The following STON2 variants were observed in gnomAD, a reference collection of about 807,000 sequenced individuals.
The protein encoded by STON2 is stonin-2.
A neutral mutation model predicts 65.7 loss-of-function variants in STON2; 29 were observed. That is an observed-to-expected ratio of 0.44 (90% CI 0.33 to 0.60). The LOEUF is 0.60. Ranked by LOEUF, STON2 falls within the 20% of genes least tolerant of loss-of-function variation. The pLI is 0.03. For synonymous variants in STON2, 404 were observed against 414.2 expected (o/e 0.98, Z 0.30); for missense variants, 1,054 against 1,118.1 (o/e 0.94, Z 0.82).
chr14:81,283,098 C>T (rs1895189176), intron 5 of STON2, among the ~76,000 whole-genome samples: 2 of 152,190 alleles, frequency 1.3e-5, no homozygotes, highest in African/African-American at 2.4e-5. Flanking sequence ...GGATTAGGTT[C>T]TCAGTCTACA....
intron 4 of STON2, 73 bp downstream of exon 4, chr14:81,370,915 A>G (rs879263602): frequency 7.1e-7 from 1 of 1,405,544 alleles, no homozygotes. Context: ...GCAATTTTTA[A>G]AAGGACTTTA....
Position 81,266,510 on chromosome 14 carries a change from C to T in STON2, c.*1904G>A. ...CCTTCAGGGAAGCTACTCCCTTGTTCTTGCATCATCAGACCCTTTACAACC... is the reference window on the plus strand; with the variant it reads ...CCTTCAGGGAAGCTACTCCCTTGTTTTTGCATCATCAGACCCTTTACAACC... On this transcript the variant is annotated 3_prime_UTR_variant, in exon 8 of 8. Coordinates refer to ENST00000614646, the MANE Select transcript of STON2 (RefSeq NM_001394390.1). 4.6e-6 allele frequency: 1 copy of T among 216,190 alleles called. No homozygotes were observed. The highest frequency in any genetic ancestry group is 7.9e-6 in the Non-Finnish European group (1 of 126,644). The allele number at this position is 216,190 out of a possible 1,614,324, so 13.4% of individuals were successfully genotyped here. A position where few individuals can be genotyped will look rare whatever the true frequency, so the allele number is the denominator to read the frequency against.
intron 1 of STON2, among the ~76,000 whole-genome samples, chr14:81,429,905 G>A (rs373665844): frequency 1.3e-5 from 2 of 151,534 alleles, no homozygotes; most frequent in East Asian, 1.9e-4. Flanking sequence ...ACTGCACTCC[G>A]GCCTGGGTGA....
At chr14:81,333,248 T>C in intron 4 of STON2, 1 of 776,630 alleles carries the variant, frequency 1.3e-6, no homozygotes, top group Non-Finnish European at 2.3e-6. Flanking sequence ...ATTTCTGTCT[T>C]AGGTACGGTA....
At chr14:81,426,689 T>C (rs958476802) in intron 2 of STON2, among the ~76,000 whole-genome samples, 7 of 152,214 alleles carry the variant, frequency 4.6e-5, no homozygotes, top group African/African-American at 1.4e-4. Context: ...CATCGAGTCA[T>C]CCAACCTTGT....
Position 81,268,810 on chromosome 14 carries a change from T to C in STON2, c.2785-313A>G, listed in dbSNP as rs148150088. ...GACTTATTAAGTAGACTTAGGTACT[T>C]CTCTCTGTGAATATTTCCACCGTAT... On this transcript the variant is annotated intron_variant, in intron 7 of 7. Transcript: ENST00000614646. 8.4e-3 allele frequency: 1,706 copies of C among 202,354 alleles called. 28 individuals are homozygous for C. Among genetic ancestry groups the C allele is most frequent in the African/African-American group, 0.037 (1,594 of 42,604 alleles). The allele number at this position is 202,354 out of a possible 1,614,324, so 12.5% of individuals were successfully genotyped here. A position where few individuals can be genotyped will look rare whatever the true frequency, so the allele number is the denominator to read the frequency against.
chr14:81,310,584 C>G (rs1162800888), intron 5 of STON2, among the ~76,000 whole-genome samples: 1 of 152,194 alleles, frequency 6.6e-6, no homozygotes, highest in Non-Finnish European at 1.5e-5. Flanking sequence ...TATTCATGAA[C>G]TAATTATGGC....
chr14:81,401,947 A>AG (rs991769044), upstream of STON2, among the ~76,000 whole-genome samples: 2 of 152,148 alleles, frequency 1.3e-5, no homozygotes, highest in African/African-American at 4.8e-5. Context: ...GGACCAACAG[A>AG]GGGACAAGTG....
At chr14:81,391,331 A>G (rs1900066800) in intron 3 of STON2, among the ~76,000 whole-genome samples, 1 of 152,242 alleles carries the variant, frequency 6.6e-6, no homozygotes, top group African/African-American at 2.4e-5. Context: ...TGCAATATAC[A>G]GCACATGCAT....
At chr14:81,339,996 T>G (rs1404309965) in intron 4 of STON2, among the ~76,000 whole-genome samples, 4 of 151,582 alleles carry the variant, frequency 2.6e-5, no homozygotes, top group Non-Finnish European at 5.9e-5. Context: ...CTACTAAAAA[T>G]ACAAAAAATT....
At chr14:81,373,614 C>A (rs1276297198) in intron 3 of STON2, among the ~76,000 whole-genome samples, 1 of 152,210 alleles carries the variant, frequency 6.6e-6, no homozygotes, top group Non-Finnish European at 1.5e-5. Context: ...CTGATTTTCA[C>A]TCTCAAGATT....
intron 5 of STON2, among the ~76,000 whole-genome samples, chr14:81,308,799 T>C (rs1387379370): frequency 1.0e-4 from 2 of 19,212 alleles, no homozygotes; most frequent in Middle Eastern, 0.019. Flanking sequence ...TATATATATA[T>C]ATATATATAT....
At chr14:81,397,248 A>G (rs908826050) in intron 2 of STON2, among the ~76,000 whole-genome samples, 2 of 152,190 alleles carry the variant, frequency 1.3e-5, no homozygotes, top group Admixed American at 1.3e-4. Flanking sequence ...GCAAGTATTC[A>G]AAGCCTCTAC....
intron 4 of STON2, among the ~76,000 whole-genome samples, chr14:81,355,559 G>A (rs1595387866): frequency 6.6e-6 from 1 of 152,188 alleles, no homozygotes; most frequent in East Asian, 1.9e-4. Flanking sequence ...CCTCTGAAAT[G>A]AGGGAAAAAT....
Position 81,278,333 on chromosome 14 carries a change from G to A in STON2, c.1149C>T (p.Ser383=), listed in dbSNP as rs753971923. The A allele has an allele frequency of 6.2e-7, 1 of 1,614,212 alleles. No homozygotes were observed. The highest frequency in any genetic ancestry group is 8.5e-7 in the Non-Finnish European group (1 of 1,180,044). The part of the protein sequence containing the change: ...LNETLQDVQP[S]PINPFSAFFE... Reference sequence around the variant, plus strand: ...AGAAAGCACTGAAAGGGTTGATAGGGGAGGGCTGTACATCCTGCAGAGTCT... The same window carrying A: ...AGAAAGCACTGAAAGGGTTGATAGGAGAGGGCTGTACATCCTGCAGAGTCT... The change falls in exon 6 of 8, where the codon TCC becomes TCT. Residue 383 remains serine, a synonymous_variant. Transcript: ENST00000614646.
intron 4 of STON2, among the ~76,000 whole-genome samples, chr14:81,329,869 A>C (rs957371617): frequency 1.3e-5 from 2 of 151,880 alleles, no homozygotes; most frequent in African/African-American, 4.9e-5. Flanking sequence ...TCAAAGCTGC[A>C]CAAGTACCAA....
chr14:81,317,388 C>G (rs1896664633), intron 5 of STON2, among the ~76,000 whole-genome samples: 2 of 152,192 alleles, frequency 1.3e-5, no homozygotes, highest in South Asian at 4.1e-4. Context: ...ACCAAACTAG[C>G]CACATATATT....
In STON2 at chr14:81,278,267, G is replaced by A. The variant is rs772374514; in HGVS notation, c.1215C>T (p.Ser405=). 6.2e-7 allele frequency: 1 copy of A among 1,614,150 alleles called. No individual in the cohort carries two copies. Among genetic ancestry groups the A allele is most frequent in the South Asian group, 1.1e-5 (1 of 91,080 alleles). ...CTCTTTGGCTTTTGCCCGTGGTACT[G>A]GAAATGGAACTGTTTTGGGAGCGCC... ...QERRSQNSSI[S]STTGKSQRDS... The change falls in exon 6 of 8, where the codon TCC becomes TCT. Residue 405 remains serine, a synonymous_variant. Transcript: ENST00000614646.
At chr14:81,355,062 A>G (rs1257454844) in intron 4 of STON2, among the ~76,000 whole-genome samples, 1 of 152,176 alleles carries the variant, frequency 6.6e-6, no homozygotes, top group Non-Finnish European at 1.5e-5. Context: ...GTGAGCTCAA[A>G]GACAGAACAT....
Sources: gnomAD v4.1 joint callset for allele counts (sites outside exome capture counted in the v4.1 genomes callset) on GRCh38, gnomAD v4.1.1 for gene constraint, MANE v1.5 for transcripts, NCBI Gene and HGNC (gene_info 2026-07-23, HGNC 2026-07-21) for gene names.